OSBPL8: variants seen among roughly 807,000 people sequenced by gnomAD.
OSBPL8 encodes oxysterol-binding protein-related protein 8.
OSBPL8 carries 59 observed loss-of-function variants against 125.5 expected under a neutral mutation model. That is an observed-to-expected ratio of 0.47 (90% CI 0.38 to 0.58). The LOEUF (loss-of-function observed/expected upper bound fraction) is 0.58. Among genes scored for constraint, OSBPL8 ranks in the 20% least tolerant of loss-of-function variants. The probability of loss-of-function intolerance (pLI) is 0.00; values close to 1 mark genes in which losing one functional copy is unlikely to be tolerated. For missense variants in OSBPL8, 758 were observed against 1,047.8 expected (o/e 0.72, Z 3.82); for synonymous variants, 330 against 338.9 (o/e 0.97, Z 0.29).
intron 2 of OSBPL8, among the ~76,000 whole-genome samples, chr12:76,485,398 C>T (rs552238574): frequency 2.6e-5 from 4 of 152,010 alleles, no homozygotes; most frequent in Middle Eastern, 6.8e-3. Context: ...ATGGAGAAAC[C>T]CTGTCCCTAC....
At chr12:76,456,246 T>G (rs1446888087) in intron 3 of OSBPL8, among the ~76,000 whole-genome samples, 18 of 152,330 alleles carry the variant, frequency 1.2e-4, no homozygotes, top group Non-Finnish European at 4.4e-5. Context: ...AGGTATACAT[T>G]TCTTAAATAC....
intron 5 of OSBPL8, among the ~76,000 whole-genome samples, chr12:76,405,816 A>G (rs1466656309): frequency 6.6e-6 from 1 of 152,186 alleles, no homozygotes; most frequent in Non-Finnish European, 1.5e-5. Flanking sequence ...CCACTCTCTT[A>G]ATGATGACCA....
At chr12:76,464,496 A>T (rs1435224854) in intron 2 of OSBPL8, among the ~76,000 whole-genome samples, 1 of 152,256 alleles carries the variant, frequency 6.6e-6, no homozygotes, top group Non-Finnish European at 1.5e-5. Context: ...TTTAGTCTAT[A>T]AATCTCAGAA....
intron 1 of OSBPL8, among the ~76,000 whole-genome samples, chr12:76,508,057 G>A (rs1880589861): frequency 6.6e-6 from 1 of 151,518 alleles, no homozygotes; most frequent in South Asian, 2.1e-4. Flanking sequence ...TGTTATCCCA[G>A]CTACTCGCAA....
At chr12:76,523,159 A>G (rs1474485783) in intron 1 of OSBPL8, among the ~76,000 whole-genome samples, 1 of 152,222 alleles carries the variant, frequency 6.6e-6, no homozygotes, top group Non-Finnish European at 1.5e-5. Flanking sequence ...TAGAGTTTCC[A>G]GTAAGAAATT....
intron 2 of OSBPL8, among the ~76,000 whole-genome samples, chr12:76,481,118 G>A (rs551678413): frequency 1.3e-5 from 2 of 152,252 alleles, no homozygotes; most frequent in East Asian, 3.9e-4. Context: ...CAAGAAAATG[G>A]ATTCTTCCCT....
At chr12:76,537,103 A>T (rs1249692581) in intron 1 of OSBPL8, 1 of 152,506 alleles carries the variant, frequency 6.6e-6, no homozygotes, top group African/African-American at 2.4e-5. Context: ...CAACATATGG[A>T]CTTGCTGTGC....
At chr12:76,417,262 G>A (rs1379638562) in intron 4 of OSBPL8, among the ~76,000 whole-genome samples, 1 of 152,218 alleles carries the variant, frequency 6.6e-6, no homozygotes, top group African/African-American at 2.4e-5. Flanking sequence ...CAGTGAAGAA[G>A]TCAAACAGGT....
intron 1 of OSBPL8, among the ~76,000 whole-genome samples, chr12:76,538,982 G>A (rs1307888018): frequency 7.2e-6 from 1 of 138,160 alleles, no homozygotes; most frequent in Non-Finnish European, 1.5e-5. Flanking sequence ...GAACTTCGAG[G>A]ATGAAGTTCA....
chr12:76,504,516 CTCT>C (rs1466983424), intron 1 of OSBPL8, among the ~76,000 whole-genome samples: 38 of 152,156 alleles, frequency 2.5e-4, no homozygotes, highest in African/African-American at 8.9e-4. Flanking sequence ...AACCAGACCA[CTCT>C]TCTTCTGATG....
rs1286963100 is a variant in OSBPL8, at chr12:76,373,445, G to C, written c.1828-12C>G. The C allele has an allele frequency of 6.5e-7, 1 of 1,546,790 alleles. No homozygotes were observed. The highest frequency in any genetic ancestry group is 1.4e-5 in the African/African-American group (1 of 72,656). The stretch of plus-strand genomic sequence containing the variant: ...CTCCCTAGGAATGGCTTTTAAACGA[G>C]AAAATGTTAAACATTTTACTTTTCA... On this transcript the variant is annotated splice_polypyrimidine_tract_variant and intron_variant, in intron 17 of 23. Coordinates refer to ENST00000261183, the MANE Select transcript of OSBPL8 (RefSeq NM_020841.5).
At chr12:76,552,221 T>C (rs1950961520) in intron 1 of OSBPL8, among the ~76,000 whole-genome samples, 1 of 151,890 alleles carries the variant, frequency 6.6e-6, no homozygotes, top group Non-Finnish European at 1.5e-5. Context: ...ACTCAGCAGT[T>C]AGAGACCAGC....
At chr12:76,483,367 A>G (rs1373950816) in intron 2 of OSBPL8, among the ~76,000 whole-genome samples, 1 of 151,894 alleles carries the variant, frequency 6.6e-6, no homozygotes, top group Non-Finnish European at 1.5e-5. Flanking sequence ...GTTCCAGACC[A>G]TCTGGCCAAC....
chr12:76,424,686 A>C (rs1869930949), intron 4 of OSBPL8, among the ~76,000 whole-genome samples: 1 of 152,216 alleles, frequency 6.6e-6, no homozygotes, highest in Non-Finnish European at 1.5e-5. Context: ...CAATGCTAAT[A>C]GTAGTACTGA....
chr12:76,517,543 T>C (rs1016623611), intron 1 of OSBPL8, among the ~76,000 whole-genome samples: 24 of 152,252 alleles, frequency 1.6e-4, no homozygotes, highest in Non-Finnish European at 8.8e-5. Flanking sequence ...TAGATGACAA[T>C]GATAAATTTT....
At position 76,535,041 on chromosome 12, in the gene OSBPL8, T is replaced by C. The variant is rs1950451493; in HGVS notation, c.-68+24356A>G. On this transcript the variant is annotated intron_variant, in intron 1 of 23. Coordinates refer to ENST00000261183, the MANE Select transcript of OSBPL8 (RefSeq NM_020841.5). Reference sequence around the variant, plus strand: ...ACAAAAGCCAACATTATAAAACTTCTAGAATAAAAATGGGAAAATAAAAAT... The same window carrying C: ...ACAAAAGCCAACATTATAAAACTTCCAGAATAAAAATGGGAAAATAAAAAT... 4.6e-5 allele frequency among the ~76,000 whole-genome samples: 7 copies of C among 151,782 alleles called. No homozygotes were observed. The South Asian group carries it at 1.2e-3, about 27-fold the overall frequency.
intron 16 of OSBPL8, among the ~76,000 whole-genome samples, chr12:76,377,164 C>T (rs1234355289): frequency 6.6e-6 from 1 of 152,148 alleles, no homozygotes; most frequent in Non-Finnish European, 1.5e-5. Flanking sequence ...TTTTCTTTAT[C>T]CAGTTTATCA....
rs36035843 is a variant in OSBPL8 at position 76,536,816 on chromosome 12, CAAA to C, written c.-68+22578_-68+22580del. Reference sequence around the variant, plus strand: ...GCAGCAAATCCATATATAGGAGTATCAAAAAAAAAAAAAAAAAAACGAGTAATC... The same window carrying C: ...GCAGCAAATCCATATATAGGAGTATCAAAAAAAAAAAAAAAACGAGTAATC... On this transcript the variant is annotated intron_variant, in intron 1 of 23. Transcript: ENST00000261183. Among the ~76,000 whole-genome samples, 43 of 91,076 alleles carry C rather than the reference CAAA, an allele frequency of 4.7e-4. No homozygotes were observed. In the East Asian group the frequency reaches 5.7e-3, roughly 12 times the overall value. 59.7% of individuals were successfully genotyped at this position (91,076 alleles called of 152,430 possible).
At chr12:76,515,620 G>A (rs1330202729) in intron 1 of OSBPL8, among the ~76,000 whole-genome samples, 1 of 152,062 alleles carries the variant, frequency 6.6e-6, no homozygotes, top group Admixed American at 6.6e-5. Flanking sequence ...TTGCAGCTTT[G>A]CACTCCTGGG....
Sources: allele counts gnomAD v4.1 joint callset (sites outside exome capture counted in the v4.1 genomes callset), GRCh38; gene constraint gnomAD v4.1.1; transcripts MANE v1.5; gene names NCBI Gene and HGNC (gene_info 2026-07-23, HGNC 2026-07-21).